Variants in RAD52 observed in about 807,000 individuals in gnomAD.
The protein encoded by RAD52 is RAD52 DNA repair protein.
RAD52 carries 47 observed loss-of-function variants against 55.5 expected under a neutral mutation model. That is an observed-to-expected ratio of 0.85 (90% CI 0.67 to 1.08). The LOEUF (loss-of-function observed/expected upper bound fraction) is 1.08. Ranked by LOEUF, RAD52 falls within the 50% of genes least tolerant of loss-of-function variation. The probability of loss-of-function intolerance (pLI) is 0.00; values close to 1 mark genes in which losing one functional copy is unlikely to be tolerated. For synonymous variants in RAD52, 184 were observed against 198.9 expected (o/e 0.92, Z 0.63); for missense variants, 468 against 522.8 (o/e 0.90, Z 1.02).
intron 1 of RAD52, among the ~76,000 whole-genome samples, chr12:954,844 G>A (rs1380167229): frequency 6.6e-6 from 1 of 152,044 alleles, no homozygotes; most frequent in African/African-American, 2.4e-5. Context: ...CATTGGTTAG[G>A]GATACATTAG....
At chr12:948,037 A>C (rs1395150268) in intron 1 of RAD52, among the ~76,000 whole-genome samples, 1 of 143,914 alleles carries the variant, frequency 6.9e-6, no homozygotes, top group Non-Finnish European at 1.5e-5. Flanking sequence ...TCTGTGGAGG[A>C]CTAGACCTAG....
intron 7 of RAD52, among the ~76,000 whole-genome samples, chr12:924,820 G>A (rs912869723): frequency 1.3e-5 from 2 of 152,202 alleles, no homozygotes; most frequent in African/African-American, 4.8e-5. Flanking sequence ...GGGAGTGTCT[G>A]GGAAGGACAG....
At chr12:966,252 C>T (rs141556775) in intron 1 of RAD52, among the ~76,000 whole-genome samples, 2,068 of 152,220 alleles carry the variant, frequency 0.014, 21 homozygotes, top group Middle Eastern at 0.02. Context: ...CATGCGTGAG[C>T]CACCGCGATG....
chr12:918,249 C>A (rs916723345), intron 7 of RAD52, among the ~76,000 whole-genome samples: 12 of 152,144 alleles, frequency 7.9e-5, no homozygotes, highest in African/African-American at 2.9e-4. Flanking sequence ...CATACTCATG[C>A]AAAAGAAAAT....
intron 1 of RAD52, among the ~76,000 whole-genome samples, chr12:980,988 T>C (rs529886211): frequency 6.6e-6 from 1 of 152,246 alleles, no homozygotes; most frequent in South Asian, 2.1e-4. Context: ...CGCAAAAGTC[T>C]TACCTCATTT....
intron 1 of RAD52, among the ~76,000 whole-genome samples, chr12:983,011 G>C (rs1162818113): frequency 6.6e-6 from 1 of 152,016 alleles, no homozygotes; most frequent in East Asian, 1.9e-4. Flanking sequence ...CACCAGGCCT[G>C]GCTAATTTTT....
chr12:949,638 G>T lies in RAD52; in HGVS notation c.-55C>A, dbSNP rs1958460620. The T allele has an allele frequency of 6.6e-6, 1 of 152,380 alleles. No individual in the cohort carries two copies. Among genetic ancestry groups the T allele is most frequent in the Admixed American group, 6.5e-5 (1 of 15,286 alleles). 9.4% of individuals were successfully genotyped at this position (152,380 alleles called of 1,614,324 possible). A position where few individuals can be genotyped will look rare whatever the true frequency, so the allele number is the denominator to read the frequency against. On this transcript the variant is annotated 5_prime_UTR_variant, in exon 1 of 12. Coordinates refer to ENST00000358495, the MANE Select transcript of RAD52 (RefSeq NM_134424.4). ...AGCGCGCGGTGCACACAGGGAGCTC[G>T]ATCTAGGCTATGGACAAGGGGAAGA...
intron 1 of RAD52, among the ~76,000 whole-genome samples, chr12:982,426 A>G (rs978915685): frequency 7.9e-5 from 12 of 152,218 alleles, no homozygotes; most frequent in South Asian, 2.1e-4. Flanking sequence ...AAGCTAGGCC[A>G]TACCTTCAAC....
intron 6 of RAD52, 58 bp downstream of exon 6, chr12:927,087 A>G: frequency 6.4e-7 from 1 of 1,564,688 alleles, no homozygotes; most frequent in Non-Finnish European, 8.8e-7. Flanking sequence ...AAAAATCGAA[A>G]TCTGCTCTGA....
intron 1 of RAD52, among the ~76,000 whole-genome samples, chr12:960,350 G>A (rs1166785858): frequency 6.6e-6 from 1 of 152,184 alleles, no homozygotes; most frequent in Non-Finnish European, 1.5e-5. Flanking sequence ...GATAATGGTG[G>A]TAAAGAAAGG....
intron 1 of RAD52, among the ~76,000 whole-genome samples, chr12:936,640 G>A (rs1405939483): frequency 6.6e-6 from 1 of 152,118 alleles, no homozygotes; most frequent in African/African-American, 2.4e-5. Flanking sequence ...CTACAGGTGA[G>A]TGCTATCATG....
Position 927,159 on chromosome 12 carries a change from C to G in RAD52, c.453G>C (p.Leu151=). Residue 151 remains leucine (L), a synonymous_variant, in exon 6 of 12, where the codon CTG becomes CTC. Transcript: ENST00000358495. ...KARKEAVTDG[L]KRALRSFGNA... The stretch of plus-strand genomic sequence containing the variant: ...CCCGCGCTCACCTGAGGGCTCGCTT[C>G]AGCCCGTCTGTCACCGCCTCCTTCC... 8 of 1,614,012 alleles carry G rather than the reference C, an allele frequency of 5.0e-6. No individual in the cohort carries two copies. Among genetic ancestry groups the G allele is most frequent in the Non-Finnish European group, 6.8e-6 (8 of 1,179,932 alleles).
intron 1 of RAD52, among the ~76,000 whole-genome samples, chr12:979,018 A>G (rs1417857879): frequency 6.6e-6 from 1 of 152,176 alleles, no homozygotes; most frequent in Non-Finnish European, 1.5e-5. Flanking sequence ...TACCATTCCC[A>G]TCAATTCCAC....
chr12:929,729 T>A, intron 5 of RAD52, 90 bp downstream of exon 5: 1 of 1,238,682 alleles, frequency 8.1e-7, no homozygotes, highest in Non-Finnish European at 1.2e-6. Flanking sequence ...GGAGCCTGGG[T>A]CCCCGTCCAG....
In RAD52 at chr12:911,884, G is replaced by A. The variant is rs565323194; in HGVS notation, c.*1507C>T. On this transcript the variant is annotated 3_prime_UTR_variant, in exon 12 of 12. Transcript: ENST00000358495. ...CTAAAAATACAAAAATTAGTCGGGC[G>A]TCGTGGTGGGTGTCTGTAATCCCAG... is the stretch of plus-strand genomic sequence containing the variant. Among the ~76,000 whole-genome samples the A allele has an allele frequency of 4.4e-4, 67 of 152,184 alleles. No individual in the cohort carries two copies. The highest frequency in any genetic ancestry group is 6.9e-4 in the Non-Finnish European group (47 of 68,002).
intron 1 of RAD52, among the ~76,000 whole-genome samples, chr12:934,147 A>C (rs1957487462): frequency 6.6e-6 from 1 of 151,150 alleles, no homozygotes; most frequent in Non-Finnish European, 1.5e-5. Context: ...CACAACACAC[A>C]GTTTATTCAG....
intron 7 of RAD52, among the ~76,000 whole-genome samples, chr12:924,056 C>CAA (rs71293134): frequency 0.14 from 17,106 of 122,116 alleles, 1,317 homozygotes; most frequent in Middle Eastern, 0.27. Flanking sequence ...GAGACTATCT[C>CAA]AAAAAAAAAA....
upstream of RAD52, among the ~76,000 whole-genome samples, chr12:953,397 A>G (rs1958562231): frequency 1.3e-5 from 2 of 152,190 alleles, no homozygotes; most frequent in African/African-American, 4.8e-5. Flanking sequence ...TCATTATGCC[A>G]GAAGCCAAAG....
At chr12:974,387 G>A (rs911577936) in intron 1 of RAD52, 26 of 152,324 alleles carry the variant, frequency 1.7e-4, no homozygotes, top group African/African-American at 6.0e-4. Flanking sequence ...GTAAGAGGGA[G>A]GCTCCTGAAG....
Sources: allele counts gnomAD v4.1 joint callset (sites outside exome capture counted in the v4.1 genomes callset), GRCh38; gene constraint gnomAD v4.1.1; transcripts MANE v1.5; gene names NCBI Gene and HGNC (gene_info 2026-07-23, HGNC 2026-07-21).